TMTC1: variants seen among roughly 807,000 people sequenced by gnomAD.
TMTC1 encodes protein O-mannosyl-transferase TMTC1.
In TMTC1, 73 loss-of-function variants were observed where a neutral mutation model predicts 104.8. The observed-to-expected ratio is 0.70, with a 90% CI of 0.58 to 0.85. The LOEUF is 0.85. Ranked by LOEUF, TMTC1 falls within the 40% of genes least tolerant of loss-of-function variation. The pLI, the probability that TMTC1 is intolerant of heterozygous loss-of-function variation, is 0.00. For synonymous variants in TMTC1, 434 were observed against 428.7 expected, an observed-to-expected ratio of 1.01 and a Z score of -0.15; for missense variants, 1,035 against 1,096.1, an observed-to-expected ratio of 0.94 and a Z score of 0.79.
intron 5 of TMTC1, among the ~76,000 whole-genome samples, chr12:29,683,844 CA>C (rs1205993110): frequency 7.1e-6 from 1 of 139,918 alleles, no homozygotes. Flanking sequence ...TATTTCCTAT[CA>C]TTTTTTTTTT....
chr12:29,675,304 A>C (rs1940682658), intron 5 of TMTC1, among the ~76,000 whole-genome samples: 1 of 152,218 alleles, frequency 6.6e-6, no homozygotes, highest in African/African-American at 2.4e-5. Flanking sequence ...CTGAACGTCC[A>C]CTGAAAGTTT....
rs796208622 is a variant in TMTC1, at chr12:29,503,572, G to C, written c.*3274C>G. The C allele has an allele frequency of 2.0e-5, 3 of 152,276 alleles. No individual in the cohort carries two copies. The highest frequency in any genetic ancestry group is 2.1e-4 in the South Asian group (1 of 4,824). 9.4% of individuals were successfully genotyped at this position (152,276 alleles called of 1,614,324 possible). A position where few individuals can be genotyped will look rare whatever the true frequency, so the allele number is the denominator to read the frequency against. ...GGTTAGATGGACTGGAAAAAGAGGG[G>C]TGATATATACATGAGGAACTCTAAA... On this transcript the variant is annotated 3_prime_UTR_variant, in exon 18 of 18. Coordinates refer to ENST00000539277, the MANE Select transcript of TMTC1 (RefSeq NM_001193451.2).
Position 29,520,636 on chromosome 12 carries a change from C to A in TMTC1, c.1870G>T (p.Val624Phe). 2 of 1,612,696 alleles carry A rather than the reference C, an allele frequency of 1.2e-6. No individual in the cohort carries two copies. The highest frequency in any genetic ancestry group is 1.7e-5 in the Admixed American group (1 of 59,810). The part of the protein sequence containing the change: ...DSSDLHNNYG[V>F]FLVDTGLPEK... ...CACTTACCAGTATCAACTAAGAAAA[C>A]CCCATAGTTGTTGTGTAAATCTGAG... is the stretch of plus-strand genomic sequence containing the variant. The change falls in exon 12 of 18, where the codon GTT (valine) becomes TTT (phenylalanine). Residue 624 changes from valine to phenylalanine, a missense_variant. By Grantham distance (50) the Val-to-Phe change is conservative. Coordinates refer to ENST00000539277, the MANE Select transcript of TMTC1 (RefSeq NM_001193451.2).
intron 5 of TMTC1, among the ~76,000 whole-genome samples, chr12:29,742,906 C>T (rs184995633): frequency 1.3e-5 from 2 of 152,286 alleles, no homozygotes; most frequent in East Asian, 3.9e-4. Context: ...CAAACAAAGA[C>T]TATACAACTT....
chr12:29,742,511 C>T lies in TMTC1; in HGVS notation c.938+9155G>A, dbSNP rs150430976. On this transcript the variant is annotated intron_variant, in intron 5 of 17. Transcript: ENST00000539277. ...TAATATAAATAGTATCAAAAATTCA[C>T]AAATCTACAAAATGAAACACATCCT... 5.2e-3 allele frequency among the ~76,000 whole-genome samples: 797 copies of T among 152,144 alleles called. 11 individuals are homozygous for T. Among genetic ancestry groups the T allele is most frequent in the African/African-American group, 0.017 (706 of 41,528 alleles).
Position 29,506,839 on chromosome 12 carries a change from G to A in TMTC1, c.*7C>T, listed in dbSNP as rs77783730. 17 of 1,613,812 alleles carry A rather than the reference G, an allele frequency of 1.1e-5. No individual in the cohort carries two copies. The African/African-American group carries it at 1.7e-4, about 16-fold the overall frequency. On this transcript the variant is annotated 3_prime_UTR_variant, in exon 18 of 18. Coordinates refer to ENST00000539277, the MANE Select transcript of TMTC1 (RefSeq NM_001193451.2). ...ATTATCCTATGAGGTTGGGTCAGAC[G>A]GTGGTGCTATGTTTGATCCTTTTCT... is the stretch of plus-strand genomic sequence containing the variant.
intron 5 of TMTC1, among the ~76,000 whole-genome samples, chr12:29,701,738 A>T (rs903488108): frequency 2.0e-5 from 3 of 152,210 alleles, no homozygotes; most frequent in Admixed American, 1.3e-4. Context: ...GCCAGTAGTC[A>T]ATGTGGAAAC....
intron 5 of TMTC1, among the ~76,000 whole-genome samples, chr12:29,651,902 C>CCA (rs758482055): frequency 7.0e-6 from 1 of 143,132 alleles, no homozygotes; most frequent in African/African-American, 2.5e-5. Context: ...AAAACTTGCC[C>CCA]AAAAAAAAAA....
intron 7 of TMTC1, among the ~76,000 whole-genome samples, chr12:29,598,189 G>A (rs1228388212): frequency 6.6e-6 from 1 of 152,154 alleles, no homozygotes; most frequent in Non-Finnish European, 1.5e-5. Flanking sequence ...AAATTTCTGT[G>A]ATTTCCCTGT....
rs376017345 is a variant in TMTC1 at position 29,643,732 on chromosome 12, A to AT, written c.939-10397dup. On this transcript the variant is annotated intron_variant, in intron 5 of 17. Coordinates refer to ENST00000539277, the MANE Select transcript of TMTC1 (RefSeq NM_001193451.2). ...TTATATATATAATATATAAATATATATTATAATAAATATATATAAATATTT... is the reference window on the plus strand; with the variant it reads ...TTATATATATAATATATAAATATATATTTATAATAAATATATATAAATATTT... Among the ~76,000 whole-genome samples the AT allele has an allele frequency of 6.9e-3, 179 of 25,786 alleles. 57 individuals are homozygous for AT. The highest frequency in any genetic ancestry group is 0.029 in the African/African-American group (163 of 5,618). 16.9% of individuals were successfully genotyped at this position (25,786 alleles called of 152,430 possible). A position where few individuals can be genotyped will look rare whatever the true frequency, so the allele number is the denominator to read the frequency against.
Position 29,668,273 on chromosome 12 carries a change from G to A in TMTC1, c.939-34937C>T, listed in dbSNP as rs183925854. Among the ~76,000 whole-genome samples the A allele has an allele frequency of 3.3e-5, 5 of 152,216 alleles. No individual in the cohort carries two copies. In the East Asian group the frequency reaches 9.7e-4, roughly 29 times the overall value. Reference sequence around the variant, plus strand: ...GAGGCCTGGTGAAGGCCTTCTTGCTGCATCCTCGCATGGCAGAAGAGCAGA... The same window carrying A: ...GAGGCCTGGTGAAGGCCTTCTTGCTACATCCTCGCATGGCAGAAGAGCAGA... On this transcript the variant is annotated intron_variant, in intron 5 of 17. Coordinates refer to ENST00000539277, the MANE Select transcript of TMTC1 (RefSeq NM_001193451.2).
rs192240399 is a variant in TMTC1, at chr12:29,693,842, G to A, written c.938+57824C>T. ...GTTGAAAAGAGGTACTAAAATGCCC[G>A]GGCAGACTGACAGCAGGTTAGATGT... On this transcript the variant is annotated intron_variant, in intron 5 of 17. Coordinates refer to ENST00000539277, the MANE Select transcript of TMTC1 (RefSeq NM_001193451.2). 4.4e-4 allele frequency among the ~76,000 whole-genome samples: 67 copies of A among 152,174 alleles called. 2 individuals are homozygous for A. Among genetic ancestry groups the A allele is most frequent in the Middle Eastern group, 3.4e-3 (1 of 294 alleles).
chr12:29,597,060 T>G (rs1422659057), intron 7 of TMTC1, among the ~76,000 whole-genome samples: 8 of 152,178 alleles, frequency 5.3e-5, no homozygotes, highest in Non-Finnish European at 1.2e-4. Context: ...TTTCAGGGAC[T>G]GCTGCCTCTC....
At chr12:29,541,656 CTT>C (rs35079677) in intron 10 of TMTC1, among the ~76,000 whole-genome samples, 2,805 of 115,608 alleles carry the variant, frequency 0.024, 30 homozygotes, top group African/African-American at 0.09. Context: ...TTCACTGTTG[CTT>C]TTTTTTTTTT....
intron 8 of TMTC1, among the ~76,000 whole-genome samples, chr12:29,576,650 T>C (rs1318387542): frequency 6.6e-6 from 1 of 152,136 alleles, no homozygotes; most frequent in Non-Finnish European, 1.5e-5. Context: ...TGAAGAGATA[T>C]AGGTCCAAGG....
chr12:29,618,400 C>T (rs1947042986), intron 6 of TMTC1, among the ~76,000 whole-genome samples: 1 of 152,122 alleles, frequency 6.6e-6, no homozygotes, highest in Non-Finnish European at 1.5e-5. Context: ...TATTATATTA[C>T]AGGTGAAAAA....
intron 1 of TMTC1, among the ~76,000 whole-genome samples, chr12:29,781,616 A>C (rs530597529): frequency 6.6e-6 from 1 of 152,300 alleles, no homozygotes; most frequent in Non-Finnish European, 1.5e-5. Context: ...CGCTTAGCCC[A>C]GGAGTTCAAC....
intron 5 of TMTC1, among the ~76,000 whole-genome samples, chr12:29,648,157 C>A (rs940050143): frequency 2.0e-5 from 3 of 152,146 alleles, no homozygotes; most frequent in African/African-American, 7.2e-5. Flanking sequence ...CACATAAAAT[C>A]TATTCCATCA....
At position 29,506,698 on chromosome 12, in the gene TMTC1, C is replaced by G; in HGVS notation, c.*148G>C. ...AAGCAAGTCCTTCAGCACTGGGCTA[C>G]CAGCAGATGTCCCAAAATGTGTCAC... On this transcript the variant is annotated 3_prime_UTR_variant, in exon 18 of 18. Coordinates refer to ENST00000539277, the MANE Select transcript of TMTC1 (RefSeq NM_001193451.2). The G allele has an allele frequency of 4.1e-6, 4 of 979,916 alleles. No homozygotes were observed. Among genetic ancestry groups the G allele is most frequent in the Admixed American group, 2.2e-5 (1 of 45,640 alleles). The allele number at this position is 979,916 out of a possible 1,614,324, so 60.7% of individuals were successfully genotyped here.
Sources: allele counts gnomAD v4.1 joint callset (sites outside exome capture counted in the v4.1 genomes callset), GRCh38; gene constraint gnomAD v4.1.1; transcripts MANE v1.5; gene names NCBI Gene and HGNC (gene_info 2026-07-23, HGNC 2026-07-21).